The following NEGR1 variants were observed in gnomAD, a reference collection of about 807,000 sequenced individuals.
NEGR1 encodes neuronal growth regulator 1.
A neutral mutation model predicts 40.9 loss-of-function variants in NEGR1; 10 were observed. The ratio of observed to expected loss-of-function variants is 0.24; its 90% CI spans 0.15 to 0.42. NEGR1 has a LOEUF of 0.42. NEGR1 is among the 10% of genes least tolerant of loss of function. NEGR1 has a pLI of 1.00. For synonymous variants in NEGR1, 185 were observed against 166.8 expected (o/e 1.11, Z -0.84); for missense variants, 352 against 438.9 (o/e 0.80, Z 1.77).
chr1:71,932,197 A>G (rs1193467109), intron 2 of NEGR1, among the ~76,000 whole-genome samples: 1 of 152,146 alleles, frequency 6.6e-6, no homozygotes, highest in Non-Finnish European at 1.5e-5. Context: ...GGTGTTCAAT[A>G]AAAGTTATAA....
chr1:72,266,649 A>ATGTG (rs1655648176), intron 1 of NEGR1, among the ~76,000 whole-genome samples: 1 of 150,620 alleles, frequency 6.6e-6, no homozygotes, highest in Admixed American at 6.6e-5. Flanking sequence ...ACATTCACAA[A>ATGTG]TGTGTGTATG....
At chr1:71,759,603 T>TTTTTTTA (rs1655868969) in intron 3 of NEGR1, among the ~76,000 whole-genome samples, 1 of 87,118 alleles carries the variant, frequency 1.1e-5, no homozygotes, top group Non-Finnish European at 2.2e-5. Context: ...AGGCTTTTTT[T>TTTTTTTA]TTTTTTTTTT....
chr1:71,625,681 T>C (rs1477413594), intron 4 of NEGR1, among the ~76,000 whole-genome samples: 1 of 151,434 alleles, frequency 6.6e-6, no homozygotes, highest in East Asian at 1.9e-4. Context: ...ATATTTTATA[T>C]ATATTTAAAT....
At chr1:72,037,930 G>C (rs968712027) in intron 1 of NEGR1, among the ~76,000 whole-genome samples, 1 of 151,942 alleles carries the variant, frequency 6.6e-6, no homozygotes, top group Non-Finnish European at 1.5e-5. Flanking sequence ...ACTCAAAGTT[G>C]CTGCCACCTG....
chr1:71,554,018 C>A (rs945465286), intron 6 of NEGR1, among the ~76,000 whole-genome samples: 2 of 151,312 alleles, frequency 1.3e-5, no homozygotes, highest in African/African-American at 4.8e-5. Context: ...AGTCAGCATC[C>A]TAAATGAAGA....
At chr1:71,527,665 G>A (rs112721992) in intron 6 of NEGR1, among the ~76,000 whole-genome samples, 2,426 of 151,048 alleles carry the variant, frequency 0.016, 58 homozygotes, top group African/African-American at 0.056. Context: ...TTACTTATGG[G>A]TTTTCTAAAG....
At chr1:71,928,163 T>TAC (rs1557438536) in intron 2 of NEGR1, among the ~76,000 whole-genome samples, 2 of 28,612 alleles carry the variant, frequency 7.0e-5, no homozygotes, top group African/African-American at 1.0e-4. Flanking sequence ...TGTATATACG[T>TAC]ATATATGTAT....
chr1:71,524,295 G>T (rs1485987214), intron 6 of NEGR1, among the ~76,000 whole-genome samples: 1 of 145,328 alleles, frequency 6.9e-6, no homozygotes, highest in African/African-American at 2.5e-5. Context: ...TAAGATCTTG[G>T]AGTCTTCTTT....
At chr1:71,838,198 T>A (rs1052743526) in intron 2 of NEGR1, among the ~76,000 whole-genome samples, 1 of 152,126 alleles carries the variant, frequency 6.6e-6, no homozygotes, top group Non-Finnish European at 1.5e-5. Flanking sequence ...AAATTTCACT[T>A]TTCAAGAAAA....
chr1:71,637,144 A>G (rs1021083327), intron 4 of NEGR1, among the ~76,000 whole-genome samples: 1 of 152,060 alleles, frequency 6.6e-6, no homozygotes, highest in Non-Finnish European at 1.5e-5. Flanking sequence ...CTTAGCACAT[A>G]TCATTGATTT....
At chr1:71,679,372 A>C (rs1212604231) in intron 4 of NEGR1, among the ~76,000 whole-genome samples, 2 of 152,164 alleles carry the variant, frequency 1.3e-5, no homozygotes, top group East Asian at 1.9e-4. Context: ...TTCATATCAA[A>C]AATATAGTAT....
chr1:72,023,961 G>C (rs886116832), intron 1 of NEGR1, among the ~76,000 whole-genome samples: 22 of 152,016 alleles, frequency 1.4e-4, no homozygotes, highest in African/African-American at 5.1e-4. Context: ...CTTACAACTG[G>C]AGTGTATATC....
At chr1:72,187,605 C>T (rs935104839) in intron 1 of NEGR1, among the ~76,000 whole-genome samples, 29 of 151,334 alleles carry the variant, frequency 1.9e-4, no homozygotes, top group African/African-American at 6.8e-4. Context: ...AAACAAACTA[C>T]TCTAAACCTT....
At chr1:71,424,335 C>T (rs942599019) in intron 6 of NEGR1, among the ~76,000 whole-genome samples, 2 of 152,050 alleles carry the variant, frequency 1.3e-5, no homozygotes, top group African/African-American at 2.4e-5. Context: ...TTTGTTCATA[C>T]ATTTGTGGAT....
chr1:72,074,226 C>G (rs191959462), intron 1 of NEGR1, among the ~76,000 whole-genome samples: 1 of 152,022 alleles, frequency 6.6e-6, no homozygotes, highest in African/African-American at 2.4e-5. Context: ...CTGAAAGGGT[C>G]TGATAAACGT....
intron 3 of NEGR1, among the ~76,000 whole-genome samples, chr1:71,742,755 T>C (rs1480032797): frequency 1.3e-5 from 2 of 152,194 alleles, no homozygotes; most frequent in Admixed American, 1.3e-4. Flanking sequence ...TTTTGGACTT[T>C]AGACTTTAGT....
chr1:71,524,471 T>A (rs1647193905), intron 6 of NEGR1, among the ~76,000 whole-genome samples: 1 of 151,596 alleles, frequency 6.6e-6, no homozygotes, highest in South Asian at 2.1e-4. Context: ...CTTATAAACA[T>A]TTACTATAAA....
chr1:72,155,118 A>G (rs147511394), intron 1 of NEGR1, among the ~76,000 whole-genome samples: 81 of 152,114 alleles, frequency 5.3e-4, no homozygotes, highest in African/African-American at 1.8e-3. Flanking sequence ...ACGGTGTACC[A>G]GAAGTTCATA....
chr1:71,936,214 T>A (rs567189261), intron 1 of NEGR1, among the ~76,000 whole-genome samples: 2 of 152,374 alleles, frequency 1.3e-5, no homozygotes, highest in African/African-American at 4.8e-5. Context: ...ATTGCTGTAG[T>A]CATTAGATAT....
Sources: allele counts gnomAD v4.1 joint callset (sites outside exome capture counted in the v4.1 genomes callset), GRCh38; gene constraint gnomAD v4.1.1; transcripts MANE v1.5; gene names NCBI Gene and HGNC (gene_info 2026-07-23, HGNC 2026-07-21).